The following CERS3 variants were observed in gnomAD, a reference collection of about 807,000 sequenced individuals.
CERS3 encodes the protein ceramide synthase 3, also known as LAG1 homolog, ceramide synthase 3.
Under a neutral mutation model 50.3 loss-of-function variants are expected in CERS3, and 33 were observed. The observed-to-expected ratio is 0.66, with a 90% confidence interval of 0.50 to 0.88. CERS3 has a LOEUF of 0.88. CERS3 is among the 40% of genes least tolerant of loss of function. The pLI is 0.00. For synonymous variants in CERS3, 176 were observed against 155.2 expected (o/e 1.13, Z -0.99); for missense variants, 470 against 460.3 (o/e 1.02, Z -0.19).
chr15:100,530,402 T>C (rs2036908321), upstream of CERS3, among the ~76,000 whole-genome samples: 1 of 152,234 alleles, frequency 6.6e-6, no homozygotes, highest in Admixed American at 6.5e-5. Context: ...TCCCACTAGA[T>C]TCCAGACACA....
At chr15:100,488,526 T>A (rs768213930) in intron 4 of CERS3, among the ~76,000 whole-genome samples, 4 of 152,214 alleles carry the variant, frequency 2.6e-5, no homozygotes, top group Non-Finnish European at 5.9e-5. Flanking sequence ...GTAGGTATGG[T>A]GAGACGAGTT....
chr15:100,418,556 G>T (rs913099624), intron 11 of CERS3, among the ~76,000 whole-genome samples: 1 of 144,066 alleles, frequency 6.9e-6, no homozygotes, highest in Non-Finnish European at 1.5e-5. Flanking sequence ...GCAGGCCAAC[G>T]TTCAGATTCA....
At chr15:100,506,829 A>C (rs1567670650) in intron 2 of CERS3, among the ~76,000 whole-genome samples, 1 of 152,180 alleles carries the variant, frequency 6.6e-6, no homozygotes, top group African/African-American at 2.4e-5. Context: ...GTTTCTTTTT[A>C]AGGTGGTGAA....
intron 10 of CERS3, among the ~76,000 whole-genome samples, chr15:100,464,887 C>T (rs1297222576): frequency 1.3e-5 from 2 of 152,178 alleles, no homozygotes; most frequent in Non-Finnish European, 2.9e-5. Flanking sequence ...ACGTAACTAA[C>T]TCTTGCAGAT....
At chr15:100,419,524 G>A (rs1371235094) in intron 11 of CERS3, among the ~76,000 whole-genome samples, 21 of 135,448 alleles carry the variant, frequency 1.6e-4, no homozygotes, top group African/African-American at 3.6e-4. Flanking sequence ...ACAGATCAAC[G>A]AGACAGAAAG....
At chr15:100,463,845 G>A (rs552796333) in intron 10 of CERS3, among the ~76,000 whole-genome samples, 23 of 152,178 alleles carry the variant, frequency 1.5e-4, no homozygotes, top group Non-Finnish European at 3.2e-4. Flanking sequence ...CATCAGAACC[G>A]ATGCTCTGCC....
intron 1 of CERS3, among the ~76,000 whole-genome samples, chr15:100,534,994 C>A (rs941061024): frequency 2.6e-5 from 4 of 152,084 alleles, no homozygotes; most frequent in Non-Finnish European, 5.9e-5. Context: ...CCAGACTGAA[C>A]CAATGTACAT....
At chr15:100,539,051 A>C (rs1393775522) in intron 1 of CERS3, among the ~76,000 whole-genome samples, 1 of 152,178 alleles carries the variant, frequency 6.6e-6, no homozygotes, top group Non-Finnish European at 1.5e-5. Flanking sequence ...ACAGATCTCT[A>C]GGGCAGGGGA....
chr15:100,434,626 G>A lies in CERS3; in HGVS notation c.999+21267C>T, dbSNP rs536327264. ...AGGGAGGGTGTGGCCACAGAAAACA[G>A]TGGGAGACTAGCAGGGACAGTGCTG... is the stretch of plus-strand genomic sequence containing the variant. On this transcript the variant is annotated intron_variant, in intron 11 of 11. Coordinates refer to ENST00000679737, the MANE Select transcript of CERS3 (RefSeq NM_001378789.1). Among the ~76,000 whole-genome samples the A allele has an allele frequency of 3.3e-5, 5 of 152,322 alleles. No individual in the cohort carries two copies. The South Asian group carries it at 6.2e-4, about 19-fold the overall frequency.
At chr15:100,415,633 C>G (rs1396790235) in intron 11 of CERS3, among the ~76,000 whole-genome samples, 2 of 152,234 alleles carry the variant, frequency 1.3e-5, no homozygotes, top group East Asian at 3.9e-4. Flanking sequence ...GAGACCATGT[C>G]CTTTGTAGGG....
chr15:100,462,715 T>TGTG (rs999232110), intron 10 of CERS3, among the ~76,000 whole-genome samples: 3 of 152,178 alleles, frequency 2.0e-5, no homozygotes, highest in Non-Finnish European at 2.9e-5. Flanking sequence ...GAGAAATAAA[T>TGTG]GTGGTGTCTA....
At chr15:100,531,300 G>A (rs897754481), upstream of CERS3, among the ~76,000 whole-genome samples, 1 of 152,208 alleles carries the variant, frequency 6.6e-6, no homozygotes, top group African/African-American at 2.4e-5. Flanking sequence ...CTGTCAAGGT[G>A]TAATTCTTCC....
At chr15:100,533,632 A>G (rs1383654577), upstream of CERS3, among the ~76,000 whole-genome samples, 1 of 128,990 alleles carries the variant, frequency 7.8e-6, no homozygotes, top group Non-Finnish European at 1.6e-5. Flanking sequence ...ATCTCAGCTC[A>G]CTGCAACCTC....
intron 1 of CERS3, among the ~76,000 whole-genome samples, chr15:100,527,679 A>G (rs1030444963): frequency 1.3e-5 from 2 of 152,228 alleles, no homozygotes; most frequent in Non-Finnish European, 2.9e-5. Context: ...CCTCGTCTGA[A>G]AGTGGCGTAT....
At chr15:100,466,822 T>C (rs1468414762) in intron 10 of CERS3, among the ~76,000 whole-genome samples, 1 of 57,606 alleles carries the variant, frequency 1.7e-5, no homozygotes, top group African/African-American at 6.4e-5. Context: ...CCTCCCTCTC[T>C]CCCTCTCTCC....
At chr15:100,480,572 A>G (rs1356668367) in intron 5 of CERS3, among the ~76,000 whole-genome samples, 2 of 152,240 alleles carry the variant, frequency 1.3e-5, no homozygotes, top group East Asian at 3.8e-4. Flanking sequence ...GTAGACTAAG[A>G]GACTGGAAAG....
chr15:100,501,541 C>T lies in CERS3; in HGVS notation c.173+136G>A, dbSNP rs2587778. The T allele has an allele frequency of 0.84, 573,022 of 679,042 alleles. 244,898 individuals are homozygous for T. The highest frequency in any genetic ancestry group is 0.92 in the East Asian group (33,582 of 36,332). 42.1% of individuals were successfully genotyped at this position (679,042 alleles called of 1,614,324 possible). ...AGCGCATCTGATTACATTAACTCAT[C>T]CCCAGAATCTGTGGCCCATTAGTGG... On this transcript the variant is annotated intron_variant, in intron 3 of 11. Transcript: ENST00000679737.
At chr15:100,410,965 C>A (rs570362635) in intron 11 of CERS3, among the ~76,000 whole-genome samples, 1 of 152,256 alleles carries the variant, frequency 6.6e-6, no homozygotes, top group Non-Finnish European at 1.5e-5. Context: ...ACAATAACTC[C>A]CCCACTTCTC....
chr15:100,488,597 T>C (rs949901139), intron 4 of CERS3, among the ~76,000 whole-genome samples: 53 of 152,308 alleles, frequency 3.5e-4, no homozygotes, highest in East Asian at 9.6e-4. Flanking sequence ...TTACATTCTA[T>C]CTTCCTAAGT....
Sources: allele counts gnomAD v4.1 joint callset (sites outside exome capture counted in the v4.1 genomes callset), GRCh38; gene constraint gnomAD v4.1.1; transcripts MANE v1.5; gene names NCBI Gene and HGNC (gene_info 2026-07-23, HGNC 2026-07-21).